The following PTPN12 variants were observed in gnomAD, a reference collection of about 807,000 sequenced individuals.
PTPN12 encodes tyrosine-protein phosphatase non-receptor type 12.
In PTPN12, 29 loss-of-function variants were observed where a neutral mutation model predicts 97.6. That is an observed-to-expected ratio of 0.30 (90% CI 0.22 to 0.41). PTPN12 has a LOEUF of 0.41. Ranked by LOEUF, PTPN12 falls within the 10% of genes least tolerant of loss-of-function variation. The probability of loss-of-function intolerance (pLI) is 1.00; values close to 1 mark genes in which losing one functional copy is unlikely to be tolerated. For missense variants in PTPN12, 819 were observed against 926.0 expected (o/e 0.88, Z 1.50); for synonymous variants, 327 against 300.4 (o/e 1.09, Z -0.91).
intron 12 of PTPN12, among the ~76,000 whole-genome samples, chr7:77,622,803 A>T (rs146525383): frequency 1.4e-5 from 2 of 147,474 alleles, no homozygotes; most frequent in African/African-American, 4.9e-5. Flanking sequence ...TTAAAATACT[A>T]TAAATTTAAA....
rs1789730764 is a variant in PTPN12 at position 77,639,756 on chromosome 7, T to G, written c.*476T>G. 1 of 153,024 alleles carries G rather than the reference T, an allele frequency of 6.5e-6. No homozygotes were observed. The highest frequency in any genetic ancestry group is 1.5e-5 in the Non-Finnish European group (1 of 68,320). 9.5% of individuals were successfully genotyped at this position (153,024 alleles called of 1,614,324 possible). ...TGCCCTGGAGTTTTAGAAAATAGTTTCTGAATTTTAAACTTGCTGGATTCA... is the reference window on the plus strand; with the variant it reads ...TGCCCTGGAGTTTTAGAAAATAGTTGCTGAATTTTAAACTTGCTGGATTCA... On this transcript the variant is annotated 3_prime_UTR_variant, in exon 18 of 18. Coordinates refer to ENST00000248594, the MANE Select transcript of PTPN12 (RefSeq NM_002835.4).
rs146361748 is a variant in PTPN12, at chr7:77,607,317, T to C, written c.762+16T>C. 9.6e-4 allele frequency: 1,474 copies of C among 1,533,492 alleles called. 1 individual carries two copies. The highest frequency in any genetic ancestry group is 1.5e-3 in the Middle Eastern group (9 of 5,918). 95.0% of individuals were successfully genotyped at this position (1,533,492 alleles called of 1,614,324 possible). ...AAAAGCTGGGGTAAGAATAATTTTT[T>C]GTAGCATTATGTTCAATTGATCTAT... On this transcript the variant is annotated intron_variant, in intron 9 of 17. Coordinates refer to ENST00000248594, the MANE Select transcript of PTPN12 (RefSeq NM_002835.4).
In PTPN12 at chr7:77,576,605, G is replaced by A. The variant is rs567374657; in HGVS notation, c.209-4822G>A. 8.2e-4 allele frequency among the ~76,000 whole-genome samples: 125 copies of A among 152,236 alleles called. 2 individuals carry two copies. The South Asian group carries it at 0.024, about 30-fold the overall frequency. ...CCAGCTACTTGAGAGGCTGAGGCACGAGAATCACTTGAACCTGGGAGGCAG... is the reference window on the plus strand; with the variant it reads ...CCAGCTACTTGAGAGGCTGAGGCACAAGAATCACTTGAACCTGGGAGGCAG... On this transcript the variant is annotated intron_variant, in intron 2 of 17. Transcript: ENST00000248594.
At chr7:77,599,395 T>A (rs1267323247) in intron 7 of PTPN12, among the ~76,000 whole-genome samples, 4 of 147,516 alleles carry the variant, frequency 2.7e-5, no homozygotes, top group Non-Finnish European at 5.9e-5. Context: ...GCTCAAGCAG[T>A]CCTCCCATCT....
At chr7:77,585,636 T>A (rs1045895654) in intron 5 of PTPN12, 55 bp downstream of exon 5, 9 of 1,450,016 alleles carry the variant, frequency 6.2e-6, no homozygotes, top group African/African-American at 1.4e-5. Context: ...ATATTCTTAG[T>A]CTTTTATTAT....
intron 1 of PTPN12, among the ~76,000 whole-genome samples, chr7:77,539,630 T>G (rs914362237): frequency 2.0e-5 from 3 of 149,234 alleles, no homozygotes; most frequent in African/African-American, 7.4e-5. Flanking sequence ...GGTTGGTTGG[T>G]TTTTTTTTTG....
At chr7:77,638,878 C>T (rs1789701353) in intron 17 of PTPN12, 147 bp downstream of exon 17, 3 of 1,264,750 alleles carry the variant, frequency 2.4e-6, no homozygotes, top group Non-Finnish European at 3.1e-6. Flanking sequence ...AAATGAAATA[C>T]TTAATTCTAT....
chr7:77,639,260 C>G lies in PTPN12; in HGVS notation c.2323C>G (p.Pro775Ala). Residue 775 changes from proline (P) to alanine (A), a missense_variant, in exon 18 of 18, where the codon CCA (proline) becomes GCA (alanine). Physicochemically the swap from Pro to Ala is conservative, Grantham distance 27. Around this residue, in one of 5 missense-constraint regions of PTPN12, gnomAD observed 607 missense variants for 577.3 expected, o/e 1.05. Transcript: ENST00000248594. Reference sequence around the variant, plus strand: ...TGGAAAACCCAAAGGACCAAGAGATCCACCTTCAGAATGGACATGATTCAG... The same window carrying G: ...TGGAAAACCCAAAGGACCAAGAGATGCACCTTCAGAATGGACATGATTCAG... ...RCGKPKGPRD[P>A]PSEWT is the part of the protein sequence containing the mutation. The G allele has an allele frequency of 1.2e-6, 2 of 1,612,598 alleles. No individual in the cohort carries two copies. Among genetic ancestry groups the G allele is most frequent in the Non-Finnish European group, 1.7e-6 (2 of 1,179,232 alleles).
chr7:77,568,798 G>C (rs1286348760), intron 1 of PTPN12, among the ~76,000 whole-genome samples: 1 of 152,078 alleles, frequency 6.6e-6, no homozygotes, highest in Non-Finnish European at 1.5e-5. Context: ...TTTCCCCTCT[G>C]TGTTTCTGCA....
chr7:77,565,543 A>G (rs1437436426), intron 1 of PTPN12, among the ~76,000 whole-genome samples: 1 of 152,224 alleles, frequency 6.6e-6, no homozygotes, highest in East Asian at 1.9e-4. Context: ...GGACAGGCCA[A>G]TAGACAGCTC....
rs763778458 is a variant in PTPN12, at chr7:77,626,748, C to T, written c.1069C>T (p.Pro357Ser). ...GDAKEEILQP[P>S]EPHPVPPILT... is the part of the protein sequence containing the mutation. ...TGCTAAAGAAGAAATACTGCAGCCA[C>T]CGGAACCTCATCCAGTGCCACCCAT... is the stretch of plus-strand genomic sequence containing the variant. Residue 357 changes from proline to serine, a missense_variant, in exon 13 of 18, where the codon CCG becomes TCG. Physicochemically the swap from Pro to Ser is moderately conservative, Grantham distance 74. Coordinates refer to ENST00000248594, the MANE Select transcript of PTPN12 (RefSeq NM_002835.4). The T allele has an allele frequency of 6.2e-7, 1 of 1,611,648 alleles. No individual in the cohort carries two copies. The highest frequency in any genetic ancestry group is 8.5e-7 in the Non-Finnish European group (1 of 1,179,280).
At chr7:77,615,509 T>C (rs906409900) in intron 11 of PTPN12, among the ~76,000 whole-genome samples, 6 of 152,170 alleles carry the variant, frequency 3.9e-5, no homozygotes, top group Non-Finnish European at 7.3e-5. Context: ...CTCTTTGGGA[T>C]GCCAGGGCAG....
At chr7:77,595,687 AAAAAGTTCAAATATTATTTG>A (rs1187773034) in intron 6 of PTPN12, among the ~76,000 whole-genome samples, 11 of 152,250 alleles carry the variant, frequency 7.2e-5, no homozygotes, top group African/African-American at 2.4e-4. Context: ...GAAATATTTG[AAAAAGTTCAAATATTATTTG>A]AAAAGTTCAA....
chr7:77,567,918 C>T (rs1808325807), intron 1 of PTPN12, among the ~76,000 whole-genome samples: 1 of 152,058 alleles, frequency 6.6e-6, no homozygotes, highest in Non-Finnish European at 1.5e-5. Context: ...TGTTAATTGT[C>T]ACACAGCTAA....
intron 16 of PTPN12, among the ~76,000 whole-genome samples, chr7:77,638,287 T>G (rs961953120): frequency 2.0e-5 from 3 of 152,108 alleles, no homozygotes; most frequent in African/African-American, 7.2e-5. Context: ...ACAAAGACAT[T>G]TCAGTTGCAA....
At chr7:77,573,368 G>A (rs1410312771) in intron 2 of PTPN12, among the ~76,000 whole-genome samples, 1 of 152,148 alleles carries the variant, frequency 6.6e-6, no homozygotes, top group East Asian at 1.9e-4. Flanking sequence ...CTAGTGAAGG[G>A]TCACTCTGGC....
chr7:77,537,630 C>T lies in PTPN12; in HGVS notation c.84C>T (p.Phe28=), dbSNP rs1220643141. 8 of 1,598,826 alleles carry T rather than the reference C, an allele frequency of 5.0e-6. No individual in the cohort carries two copies. The highest frequency in any genetic ancestry group is 1.7e-5 in the Admixed American group (1 of 58,600). The change falls in exon 1 of 18, where the codon TTC becomes TTT. Residue 28 remains phenylalanine (F), a synonymous_variant. Transcript: ENST00000248594. ...KSPDHNGEDN[F]ARDFMRLRRL... is the part of the protein sequence containing the mutation. ...CTGACCACAATGGGGAGGACAACTTCGCCCGGGACTTCATGGTGAGTCTCT... is the reference window on the plus strand; with the variant it reads ...CTGACCACAATGGGGAGGACAACTTTGCCCGGGACTTCATGGTGAGTCTCT...
Position 77,626,891 on chromosome 7 carries a change from C to A in PTPN12, c.1212C>A (p.Asp404Glu). Residue 404 changes from aspartate (D) to glutamate (E), a missense_variant, in exon 13 of 18, where the codon GAC becomes GAA. Coordinates refer to ENST00000248594, the MANE Select transcript of PTPN12 (RefSeq NM_002835.4). ...HMVSSEQHSA[D>E]LNRNYSKSTE... ...TTTCATCAGAACAACATTCAGCAGA[C>A]CTCAACAGAAACTATAGTAAATCAA... The A allele has an allele frequency of 1.4e-5, 22 of 1,611,926 alleles. No individual in the cohort carries two copies. Among genetic ancestry groups the A allele is most frequent in the Non-Finnish European group, 1.8e-5 (21 of 1,178,500 alleles).
intron 1 of PTPN12, among the ~76,000 whole-genome samples, chr7:77,541,376 C>T (rs1806966857): frequency 6.6e-6 from 1 of 152,174 alleles, no homozygotes; most frequent in Admixed American, 6.5e-5. Context: ...AGGTGTGAGC[C>T]ACCGTAGCCG....
Sources: allele counts gnomAD v4.1 joint callset (sites outside exome capture counted in the v4.1 genomes callset), GRCh38; gene constraint gnomAD v4.1.1; regional missense constraint gnomAD v4.1.1; transcripts MANE v1.5; gene names NCBI Gene and HGNC (gene_info 2026-07-23, HGNC 2026-07-21).